PIGF: variants seen among roughly 807,000 people sequenced by gnomAD.
PIGF encodes phosphatidylinositol glycan anchor biosynthesis class F, also known as GPI ethanolamine phosphate transferase, stabilizing subunit.
Under a neutral mutation model 26.0 loss-of-function variants are expected in PIGF, and 23 were observed. The ratio of observed to expected loss-of-function variants is 0.88; its 90% CI spans 0.64 to 1.25. The LOEUF (loss-of-function observed/expected upper bound fraction) is 1.25, where lower values mean the gene tolerates loss of function less well. Among genes scored for constraint, PIGF ranks in the 50% most tolerant of loss-of-function variants. PIGF has a pLI of 0.00. For missense variants in PIGF, 278 were observed against 249.9 expected, an observed-to-expected ratio of 1.11 and a Z score of -0.76; for synonymous variants, 93 against 92.6, an observed-to-expected ratio of 1.00 and a Z score of -0.03.
intron 5 of PIGF, chr2:46,591,487 G>C: frequency 1.2e-6 from 1 of 802,716 alleles, no homozygotes; most frequent in Non-Finnish European, 1.5e-6. Flanking sequence ...GAAAAAGAAA[G>C]CACATTTATT....
At chr2:46,596,355 A>C (rs1338244990) in intron 4 of PIGF, among the ~76,000 whole-genome samples, 1 of 152,198 alleles carries the variant, frequency 6.6e-6, no homozygotes, top group East Asian at 1.9e-4. Flanking sequence ...TTAAAATAAA[A>C]AATATGATCA....
Position 46,613,030 on chromosome 2 carries a change from A to G in PIGF, c.320+664T>C, listed in dbSNP as rs959638037. On this transcript the variant is annotated intron_variant, in intron 3 of 5. Coordinates refer to ENST00000281382, the MANE Select transcript of PIGF (RefSeq NM_002643.4). The stretch of plus-strand genomic sequence containing the variant: ...ACCTGTCAGTTTAGTGTGTGTACGT[A>G]AAACTATGTATAAATATATATATAT... Among the ~76,000 whole-genome samples the G allele has an allele frequency of 2.3e-4, 33 of 142,906 alleles. No homozygotes were observed. The East Asian group carries it at 3.3e-3, about 14-fold the overall frequency. The allele number at this position is 142,906 out of a possible 152,430, so 93.8% of individuals were successfully genotyped here. A position where few individuals can be genotyped will look rare whatever the true frequency, so the allele number is the denominator to read the frequency against.
intron 5 of PIGF, among the ~76,000 whole-genome samples, chr2:46,592,164 C>T (rs575369183): frequency 1.3e-5 from 2 of 152,198 alleles, no homozygotes; most frequent in Non-Finnish European, 2.9e-5. Flanking sequence ...ACAGCCTGGG[C>T]AAGAGAGTGA....
At chr2:46,587,005 C>T (rs531977050) in intron 5 of PIGF, among the ~76,000 whole-genome samples, 230 of 152,322 alleles carry the variant, frequency 1.5e-3, no homozygotes, top group African/African-American at 5.2e-3. Flanking sequence ...CTCGTGCAAA[C>T]GAGTTAACTT....
At chr2:46,593,446 T>G (rs1262942007) in intron 4 of PIGF, among the ~76,000 whole-genome samples, 1 of 152,318 alleles carries the variant, frequency 6.6e-6, no homozygotes, top group African/African-American at 2.4e-5. Flanking sequence ...TAGTCTTTCT[T>G]ACAGCACACT....
At chr2:46,595,894 G>A (rs963006690) in intron 4 of PIGF, among the ~76,000 whole-genome samples, 3 of 152,040 alleles carry the variant, frequency 2.0e-5, no homozygotes, top group African/African-American at 4.8e-5. Flanking sequence ...TTCAATCAAC[G>A]CAACTTTACG....
Position 46,581,149 on chromosome 2 carries a change from A to C in PIGF, c.*329T>G. On this transcript the variant is annotated 3_prime_UTR_variant, in exon 6 of 6. Coordinates refer to ENST00000281382, the MANE Select transcript of PIGF (RefSeq NM_002643.4). ...AGAAAGCAAATGAAATGCTACAGCT[A>C]TACCCAGACCTTTTATAGGTAATGA... The C allele has an allele frequency of 7.7e-7, 1 of 1,307,140 alleles. No homozygotes were observed. Among genetic ancestry groups the C allele is most frequent in the Non-Finnish European group, 1.0e-6 (1 of 955,562 alleles). 81.0% of individuals were successfully genotyped at this position (1,307,140 alleles called of 1,614,324 possible).
intron 4 of PIGF, among the ~76,000 whole-genome samples, chr2:46,611,666 T>C (rs1375043386): frequency 6.6e-6 from 1 of 152,190 alleles, no homozygotes; most frequent in Non-Finnish European, 1.5e-5. Flanking sequence ...GCATATCATT[T>C]AAATGACTTT....
At chr2:46,604,999 A>T (rs1319483326) in intron 4 of PIGF, among the ~76,000 whole-genome samples, 1 of 152,076 alleles carries the variant, frequency 6.6e-6, no homozygotes, top group Non-Finnish European at 1.5e-5. Context: ...GTAGACACAA[A>T]AAAATAAAAA....
At chr2:46,601,212 T>C (rs1670044133) in intron 4 of PIGF, among the ~76,000 whole-genome samples, 1 of 152,086 alleles carries the variant, frequency 6.6e-6, no homozygotes, top group South Asian at 2.1e-4. Flanking sequence ...AGTTAAGGAA[T>C]ATATGCACAG....
chr2:46,612,266 T>A lies in PIGF; in HGVS notation c.399A>T (p.Pro133=). 6.9e-7 allele frequency: 1 copy of A among 1,457,078 alleles called. No homozygotes were observed. Among genetic ancestry groups the A allele is most frequent in the South Asian group, 1.4e-5 (1 of 70,084 alleles). The allele number at this position is 1,457,078 out of a possible 1,614,324, so 90.3% of individuals were successfully genotyped here. A position where few individuals can be genotyped will look rare whatever the true frequency, so the allele number is the denominator to read the frequency against. Residue 133 remains proline, a synonymous_variant, in exon 4 of 6, where the codon CCA becomes CCT. Transcript: ENST00000281382. ...TTVPCLCLLG[P]NLKAWLRVFS... ...ACACTCTTAGCCATGCTTTGAGGTT[T>A]GGTCCTAACAAACATAAGCAAGGCA... is the stretch of plus-strand genomic sequence containing the variant.
At chr2:46,582,316 T>C (rs1669420375) in intron 5 of PIGF, 1 of 152,122 alleles carries the variant, frequency 6.6e-6, no homozygotes, top group African/African-American at 2.4e-5. Flanking sequence ...AGGAAAATTT[T>C]CATGTTCTTC....
chr2:46,597,696 G>A (rs913721934), intron 4 of PIGF, among the ~76,000 whole-genome samples: 1 of 152,118 alleles, frequency 6.6e-6, no homozygotes, highest in Non-Finnish European at 1.5e-5. Flanking sequence ...ATAGGCGTGA[G>A]CCACAGCGCC....
intron 4 of PIGF, among the ~76,000 whole-genome samples, chr2:46,596,833 G>A (rs1669903397): frequency 1.3e-5 from 2 of 152,010 alleles, no homozygotes; most frequent in South Asian, 4.1e-4. Flanking sequence ...CCTTTCAACC[G>A]AATCAATAGT....
intron 5 of PIGF, chr2:46,582,675 T>G (rs1267050115): frequency 2.0e-5 from 3 of 152,666 alleles, no homozygotes; most frequent in Non-Finnish European, 1.5e-5. Flanking sequence ...TGACTTGAGC[T>G]TATAGCTATG....
intron 4 of PIGF, among the ~76,000 whole-genome samples, chr2:46,598,528 G>GTTTTTTTTTTTTTTT (rs1558704671): frequency 1.1e-5 from 1 of 92,584 alleles, no homozygotes; most frequent in Non-Finnish European, 2.1e-5. Flanking sequence ...AACATTATGA[G>GTTTTTTTTTTTTTTT]ATTTTTTTTT....
chr2:46,607,310 A>T (rs149356986), intron 4 of PIGF, among the ~76,000 whole-genome samples: 314 of 152,302 alleles, frequency 2.1e-3, no homozygotes, highest in African/African-American at 7.3e-3. Context: ...CTATTTCCAG[A>T]AGCAAACCTT....
In PIGF at chr2:46,613,689, C is replaced by G. The variant is rs750495279; in HGVS notation, c.320+5G>C. On this transcript the variant is annotated splice_donor_5th_base_variant and intron_variant, in intron 3 of 5. Transcript: ENST00000281382. ...ATAAATTTAGGGTAAAAATTTCAAA[C>G]TTACTCTATCAGTGGTGCTCCATAC... The G allele has an allele frequency of 6.6e-7, 1 of 1,511,656 alleles. No homozygotes were observed. The allele number at this position is 1,511,656 out of a possible 1,614,324, so 93.6% of individuals were successfully genotyped here. A position where few individuals can be genotyped will look rare whatever the true frequency, so the allele number is the denominator to read the frequency against.
intron 1 of PIGF, chr2:46,616,216 T>C (rs750412534): frequency 6.6e-6 from 1 of 152,226 alleles, no homozygotes; most frequent in Non-Finnish European, 1.5e-5. Flanking sequence ...CAAGGTCCCA[T>C]GCGCTACAGC....
Sources: allele counts gnomAD v4.1 joint callset (sites outside exome capture counted in the v4.1 genomes callset), GRCh38; gene constraint gnomAD v4.1.1; transcripts MANE v1.5; gene names NCBI Gene and HGNC (gene_info 2026-07-23, HGNC 2026-07-21).